Variants in RTKN2 observed in about 807,000 individuals in gnomAD.
RTKN2 encodes the protein rhotekin 2.
Under a neutral mutation model 71.5 loss-of-function variants are expected in RTKN2, and 69 were observed. The observed-to-expected ratio is 0.96, with a 90% CI of 0.79 to 1.18. RTKN2 has a LOEUF of 1.18. RTKN2 is among the 50% of genes most tolerant of loss of function. The pLI, the probability that RTKN2 is intolerant of heterozygous loss-of-function variation, is 0.00. For missense variants in RTKN2, 724 were observed against 719.7 expected (o/e 1.01, Z -0.07); for synonymous variants, 236 against 236.5 (o/e 1.00, Z 0.02).
chr10:62,228,135 A>G (rs959166250), intron 6 of RTKN2, among the ~76,000 whole-genome samples: 31 of 152,168 alleles, frequency 2.0e-4, no homozygotes, highest in Admixed American at 1.9e-3. Flanking sequence ...TTGGAGATAT[A>G]AATTTGGGAG....
At position 62,193,511 on chromosome 10, in the gene RTKN2, C is replaced by T. The variant is rs528938933; in HGVS notation, c.*4397G>A. On this transcript the variant is annotated 3_prime_UTR_variant, in exon 12 of 12. Transcript: ENST00000373789. Reference sequence around the variant, plus strand: ...TTCTCTAAGCACATTGATTAGTAGGCCTCTCTCTGTAAAGTATTTTTTTAA... The same window carrying T: ...TTCTCTAAGCACATTGATTAGTAGGTCTCTCTCTGTAAAGTATTTTTTTAA... 7.4e-5 allele frequency: 73 copies of T among 981,736 alleles called. No individual in the cohort carries two copies. Among genetic ancestry groups the T allele is most frequent in the Non-Finnish European group, 8.7e-5 (72 of 826,784 alleles). 60.8% of individuals were successfully genotyped at this position (981,736 alleles called of 1,614,324 possible).
intron 2 of RTKN2, among the ~76,000 whole-genome samples, chr10:62,261,543 C>T (rs534273234): frequency 2.5e-4 from 38 of 151,994 alleles, no homozygotes; most frequent in Non-Finnish European, 3.7e-4. Context: ...CCCAGTTACT[C>T]GGGAGGCTGA....
At chr10:62,259,909 T>A (rs532171935) in intron 2 of RTKN2, among the ~76,000 whole-genome samples, 1 of 152,176 alleles carries the variant, frequency 6.6e-6, no homozygotes, top group Non-Finnish European at 1.5e-5. Flanking sequence ...CTGGACTCTA[T>A]CCATCCTTCA....
At chr10:62,242,849 T>A (rs1842406082) in intron 3 of RTKN2, among the ~76,000 whole-genome samples, 1 of 152,128 alleles carries the variant, frequency 6.6e-6, no homozygotes, top group African/African-American at 2.4e-5. Context: ...CAGGTTGGTC[T>A]CGAACTCCTG....
downstream of RTKN2, among the ~76,000 whole-genome samples, chr10:62,191,785 C>A (rs1406185387): frequency 6.6e-6 from 1 of 152,128 alleles, no homozygotes; most frequent in African/African-American, 2.4e-5. Flanking sequence ...TTTGGATACA[C>A]TTTTAGGTAT....
intron 9 of RTKN2, 88 bp from the exon 10 acceptor site, chr10:62,205,110 A>G: frequency 3.0e-6 from 3 of 988,960 alleles, no homozygotes; most frequent in Non-Finnish European, 4.5e-6. Flanking sequence ...TACCATATTT[A>G]TACCTGATGT....
rs994146941 is a variant in RTKN2 at position 62,195,537 on chromosome 10, C to T, written c.*2371G>A. ...TGAGACAGAGAGAGAGGACAGGGGG[C>T]CAGAGAAAGAAACAAAGACAAAAAG... On this transcript the variant is annotated 3_prime_UTR_variant, in exon 12 of 12. Coordinates refer to ENST00000373789, the MANE Select transcript of RTKN2 (RefSeq NM_145307.4). 1.2e-5 allele frequency: 8 copies of T among 685,916 alleles called. No individual in the cohort carries two copies. The highest frequency in any genetic ancestry group is 1.4e-5 in the Non-Finnish European group (8 of 563,982). The allele number at this position is 685,916 out of a possible 1,614,324, so 42.5% of individuals were successfully genotyped here.
At chr10:62,202,229 C>T (rs189413280) in intron 10 of RTKN2, among the ~76,000 whole-genome samples, 4 of 152,222 alleles carry the variant, frequency 2.6e-5, no homozygotes, top group East Asian at 3.9e-4. Context: ...AACATCCACC[C>T]GAGGCTATTC....
At chr10:62,209,829 T>C (rs991461978) in intron 9 of RTKN2, among the ~76,000 whole-genome samples, 1 of 152,202 alleles carries the variant, frequency 6.6e-6, no homozygotes, top group African/African-American at 2.4e-5. Context: ...CATTCCATGG[T>C]GTATGTGTAC....
intron 10 of RTKN2, among the ~76,000 whole-genome samples, chr10:62,204,585 G>C (rs993011586): frequency 6.6e-6 from 1 of 152,152 alleles, no homozygotes; most frequent in Non-Finnish European, 1.5e-5. Flanking sequence ...CTAACATTTT[G>C]AGAGAATATG....
chr10:62,243,824 G>A (rs1842427752), intron 3 of RTKN2, among the ~76,000 whole-genome samples: 2 of 152,110 alleles, frequency 1.3e-5, no homozygotes, highest in Admixed American at 1.3e-4. Flanking sequence ...TAATAAGACA[G>A]CTGACTTGAT....
intron 1 of RTKN2, 73 bp from the exon 2 acceptor site, chr10:62,262,894 T>C (rs1279096929): frequency 1.1e-5 from 10 of 871,600 alleles, no homozygotes; most frequent in Non-Finnish European, 1.7e-5. Flanking sequence ...AGATCGAAAA[T>C]AGGTATCATA....
Position 62,215,191 on chromosome 10 carries a change from C to T in RTKN2, c.1020+1927G>A, listed in dbSNP as rs4559572. On this transcript the variant is annotated intron_variant, in intron 9 of 11. Transcript: ENST00000373789. Reference sequence around the variant, plus strand: ...AAATTAGTAGGATTTCATTTTTACTCCTCAGCTATTTAGTAAAAGCCAAAG... The same window carrying T: ...AAATTAGTAGGATTTCATTTTTACTTCTCAGCTATTTAGTAAAAGCCAAAG... 12 of 634,302 alleles carry T rather than the reference C, an allele frequency of 1.9e-5. No homozygotes were observed. In the South Asian group the frequency reaches 3.1e-4, roughly 17 times the overall value. 39.3% of individuals were successfully genotyped at this position (634,302 alleles called of 1,614,324 possible). A position where few individuals can be genotyped will look rare whatever the true frequency, so the allele number is the denominator to read the frequency against.
rs142219327 is a variant in RTKN2, at chr10:62,221,425, T to C, written c.781+1813A>G. ...AGGTTATCATAGATTTAAACCTAAA[T>C]ACACAGCTATTTGATATTAAATACG... On this transcript the variant is annotated intron_variant, in intron 7 of 11. Transcript: ENST00000373789. Among the ~76,000 whole-genome samples, 455 of 152,144 alleles carry C rather than the reference T, an allele frequency of 3.0e-3. 7 individuals carry two copies. Among genetic ancestry groups the C allele is most frequent in the Admixed American group, 0.027 (418 of 15,272 alleles).
chr10:62,268,587 A>T lies in RTKN2; in HGVS notation c.24T>A (p.Gly8=), dbSNP rs1443256898. The change falls in exon 1 of 12, where the codon GGT becomes GGA. Residue 8 remains glycine, a synonymous_variant. Coordinates refer to ENST00000373789, the MANE Select transcript of RTKN2 (RefSeq NM_145307.4). MEGPSLR[G]PALRLAGLPT... ...GAAGCCCCGCCAGGCGGAGCGCAGG[A>T]CCCCTCAGGCTCGGCCCCTCCATCT... 3.2e-6 allele frequency: 5 copies of T among 1,565,056 alleles called. No individual in the cohort carries two copies. The highest frequency in any genetic ancestry group is 4.3e-6 in the Non-Finnish European group (5 of 1,154,840).
At chr10:62,255,162 G>A (rs1842651746) in intron 2 of RTKN2, among the ~76,000 whole-genome samples, 1 of 152,248 alleles carries the variant, frequency 6.6e-6, no homozygotes, top group African/African-American at 2.4e-5. Context: ...ACTTGCCTAA[G>A]TAGGTTTATT....
chr10:62,219,377 A>C (rs1841855194), intron 7 of RTKN2, among the ~76,000 whole-genome samples: 1 of 152,188 alleles, frequency 6.6e-6, no homozygotes. Context: ...GAAGTAGCCC[A>C]GATTGAAGGA....
chr10:62,227,157 G>A (rs1842043551), intron 6 of RTKN2, among the ~76,000 whole-genome samples: 2 of 152,094 alleles, frequency 1.3e-5, no homozygotes, highest in Admixed American at 1.3e-4. Context: ...CAACGAAATA[G>A]GGGAGGAGAA....
rs1841315562 is a variant in RTKN2, at chr10:62,195,679, C to G, written c.*2229G>C. 6 of 972,658 alleles carry G rather than the reference C, an allele frequency of 6.2e-6. No individual in the cohort carries two copies. The highest frequency in any genetic ancestry group is 7.3e-6 in the Non-Finnish European group (6 of 820,962). 60.3% of individuals were successfully genotyped at this position (972,658 alleles called of 1,614,324 possible). On this transcript the variant is annotated 3_prime_UTR_variant, in exon 12 of 12. Transcript: ENST00000373789. ...GGAAGGAAGGAAGGAAGGAAACCAACTCTGTATTATAACTACACTCCTTAG... is the reference window on the plus strand; with the variant it reads ...GGAAGGAAGGAAGGAAGGAAACCAAGTCTGTATTATAACTACACTCCTTAG...
Sources: gnomAD v4.1 joint callset for allele counts (sites outside exome capture counted in the v4.1 genomes callset) on GRCh38, gnomAD v4.1.1 for gene constraint, MANE v1.5 for transcripts, NCBI Gene and HGNC (gene_info 2026-07-23, HGNC 2026-07-21) for gene names.